ENTREP2: variants seen among roughly 807,000 people sequenced by gnomAD.
ENTREP2 encodes endosomal transmembrane epsin interactor 2.
At chr15:29,244,713 C>T in the ENTREP2 span, among the ~76,000 whole-genome samples, 60 of 152,310 alleles carry the variant, frequency 3.9e-4, 2 homozygotes, top group Admixed American at 3.1e-3. Context: ...GTCTCCCCCA[C>T]GCAGGCAGTG....
At chr15:29,308,851 G>C in the ENTREP2 span, among the ~76,000 whole-genome samples, 1 of 152,186 alleles carries the variant, frequency 6.6e-6, no homozygotes, top group East Asian at 1.9e-4. Flanking sequence ...ACATTGCCAT[G>C]TGAAAGATGT....
the ENTREP2 span, among the ~76,000 whole-genome samples, chr15:29,636,766 T>C: frequency 5.9e-5 from 9 of 152,328 alleles, no homozygotes; most frequent in South Asian, 1.7e-3. Flanking sequence ...CCTCAGTATA[T>C]GTAATTTGAC....
the ENTREP2 span, among the ~76,000 whole-genome samples, chr15:29,435,387 T>C: frequency 6.6e-6 from 1 of 152,100 alleles, no homozygotes; most frequent in African/African-American, 2.4e-5. Flanking sequence ...TTGGTACATC[T>C]GCCTGGCACT....
At chr15:29,573,673 CTT>C in the ENTREP2 span, among the ~76,000 whole-genome samples, 1 of 151,590 alleles carries the variant, frequency 6.6e-6, no homozygotes, top group East Asian at 1.9e-4. Context: ...CTCTCTCTCT[CTT>C]TCTCTCTGTG....
chr15:29,502,574 G>GA, the ENTREP2 span, among the ~76,000 whole-genome samples: 1 of 151,838 alleles, frequency 6.6e-6, no homozygotes, highest in African/African-American at 2.4e-5. Flanking sequence ...TGTGACCAAA[G>GA]AAAAAATAGA....
the ENTREP2 span, among the ~76,000 whole-genome samples, chr15:29,474,556 TG>T: frequency 0.013 from 1,992 of 152,018 alleles, 41 homozygotes; most frequent in African/African-American, 0.046. Context: ...TTTCTGTTGT[TG>T]TTTTTTTTTC....
the ENTREP2 span, among the ~76,000 whole-genome samples, chr15:29,358,413 G>A: frequency 6.6e-6 from 1 of 152,222 alleles, no homozygotes; most frequent in African/African-American, 2.4e-5. Flanking sequence ...GTACATATGT[G>A]TAAAAGAATG....
At chr15:29,154,410 C>T in the ENTREP2 span, among the ~76,000 whole-genome samples, 73 of 151,170 alleles carry the variant, frequency 4.8e-4, 1 homozygote, top group African/African-American at 1.7e-3. Context: ...AGTCGAAGTG[C>T]AATATAGCCT....
chr15:29,122,552 T>A, the ENTREP2 span: 1 of 151,936 alleles, frequency 6.6e-6, no homozygotes, highest in Non-Finnish European at 1.5e-5. Flanking sequence ...CACTTGTTGT[T>A]ACGGATCACA....
chr15:29,293,055 G>T, the ENTREP2 span, among the ~76,000 whole-genome samples: 1 of 152,170 alleles, frequency 6.6e-6, no homozygotes, highest in Non-Finnish European at 1.5e-5. Context: ...GGCACAAAAA[G>T]GCTGGGTCTA....
the ENTREP2 span, among the ~76,000 whole-genome samples, chr15:29,489,566 T>C: frequency 3.3e-5 from 5 of 152,262 alleles, no homozygotes; most frequent in Admixed American, 1.3e-4. Context: ...ATTCATTCTA[T>C]ACATAGGTGC....
chr15:29,457,535 C>T, the ENTREP2 span, among the ~76,000 whole-genome samples: 4 of 152,272 alleles, frequency 2.6e-5, no homozygotes, highest in African/African-American at 4.8e-5. Flanking sequence ...GACAGGTGCT[C>T]GGGGCAGAGG....
the ENTREP2 span, among the ~76,000 whole-genome samples, chr15:29,478,022 T>A: frequency 6.7e-4 from 78 of 115,920 alleles, no homozygotes; most frequent in East Asian, 4.2e-3. Flanking sequence ...TATATATATT[T>A]TTTTTTTTTT....
the ENTREP2 span, among the ~76,000 whole-genome samples, chr15:29,565,543 T>C: frequency 4.6e-5 from 7 of 152,300 alleles, no homozygotes; most frequent in South Asian, 1.0e-3. Context: ...TTAAAGATAA[T>C]GTGTTAAAAA....
chr15:29,269,039 T>G, the ENTREP2 span: 5 of 1,614,110 alleles, frequency 3.1e-6, no homozygotes, highest in Non-Finnish European at 4.2e-6. Context: ...TCCTCAGTAA[T>G]GAGTTTCTTT....
chr15:29,183,463 A>T, the ENTREP2 span, among the ~76,000 whole-genome samples: 11 of 152,196 alleles, frequency 7.2e-5, no homozygotes, highest in African/African-American at 2.7e-4. Context: ...AGGTGCACAC[A>T]CGCTGCCGAG....
the ENTREP2 span, among the ~76,000 whole-genome samples, chr15:29,161,797 A>T: frequency 6.6e-6 from 1 of 152,184 alleles, no homozygotes; most frequent in African/African-American, 2.4e-5. Flanking sequence ...TGCAGCACAC[A>T]TAGGATCATG....
At chr15:29,242,238 T>C in the ENTREP2 span, among the ~76,000 whole-genome samples, 1 of 152,088 alleles carries the variant, frequency 6.6e-6, no homozygotes, top group African/African-American at 2.4e-5. Flanking sequence ...CACTTAATTT[T>C]TGTATTTTTT....
chr15:29,264,158 A>AAAAAAAAAAAAAAG, the ENTREP2 span, among the ~76,000 whole-genome samples: 20 of 148,030 alleles, frequency 1.4e-4, no homozygotes, highest in Admixed American at 5.4e-4. Flanking sequence ...CCGTCTCAAA[A>AAAAAAAAAAAAAAG]AAAAAAAGAA....
Sources: allele counts gnomAD v4.1 joint callset (sites outside exome capture counted in the v4.1 genomes callset), GRCh38; gene constraint gnomAD v4.1.1; transcripts MANE v1.5; gene names NCBI Gene and HGNC (gene_info 2026-07-23, HGNC 2026-07-21).